SGCZ: variants seen among roughly 807,000 people sequenced by gnomAD.
SGCZ encodes the protein zeta-sarcoglycan.
Under a neutral mutation model 41.3 loss-of-function variants are expected in SGCZ, and 40 were observed. The ratio of observed to expected loss-of-function variants is 0.97; its 90% confidence interval spans 0.75 to 1.26. The LOEUF (loss-of-function observed/expected upper bound fraction) is 1.26. SGCZ is among the 50% of genes most tolerant of loss of function. SGCZ has a pLI of 0.00. For synonymous variants in SGCZ, 206 were observed against 137.5 expected, an observed-to-expected ratio of 1.50 and a Z score of -3.49; for missense variants, 552 against 369.8, an observed-to-expected ratio of 1.49 and a Z score of -4.04.
At chr8:14,514,036 G>A (rs952338227) in intron 2 of SGCZ, among the ~76,000 whole-genome samples, 1 of 152,080 alleles carries the variant, frequency 6.6e-6, no homozygotes, top group Non-Finnish European at 1.5e-5. Context: ...ACTTTGATGA[G>A]CATAATAAGA....
chr8:14,424,873 A>C (rs10503497), intron 2 of SGCZ, among the ~76,000 whole-genome samples: 31,376 of 152,166 alleles, frequency 0.21, 3,832 homozygotes, highest in Non-Finnish European at 0.29. Context: ...ACGGCTGGTA[A>C]AATAAATGAG....
At chr8:15,082,895 G>C (rs1805805655) in intron 1 of SGCZ, among the ~76,000 whole-genome samples, 1 of 152,070 alleles carries the variant, frequency 6.6e-6, no homozygotes. Context: ...ACGTACAAAA[G>C]GTTCACTTAG....
intron 1 of SGCZ, among the ~76,000 whole-genome samples, chr8:14,555,327 G>T (rs1804001852): frequency 6.6e-6 from 1 of 151,988 alleles, no homozygotes; most frequent in Admixed American, 6.6e-5. Context: ...CAATGTTGGA[G>T]ATGGCTCCTG....
intron 2 of SGCZ, among the ~76,000 whole-genome samples, chr8:14,541,813 T>C (rs1182112007): frequency 6.6e-6 from 1 of 152,132 alleles, no homozygotes; most frequent in Non-Finnish European, 1.5e-5. Flanking sequence ...GACTTTTTAA[T>C]GATTGTCATT....
chr8:14,355,610 G>A (rs573683204), intron 2 of SGCZ, among the ~76,000 whole-genome samples: 10 of 151,826 alleles, frequency 6.6e-5, no homozygotes, highest in African/African-American at 2.2e-4. Context: ...CAATAAAAAC[G>A]AGATAAATCA....
At chr8:14,870,091 A>G (rs757639780) in intron 1 of SGCZ, among the ~76,000 whole-genome samples, 1 of 152,316 alleles carries the variant, frequency 6.6e-6, no homozygotes, top group Non-Finnish European at 1.5e-5. Context: ...TAAATTTCAT[A>G]TGGAACCAAA....
At chr8:14,167,619 A>C (rs2116991674) in intron 4 of SGCZ, among the ~76,000 whole-genome samples, 1 of 152,320 alleles carries the variant, frequency 6.6e-6, no homozygotes, top group African/African-American at 2.4e-5. Flanking sequence ...TGTAAGCAAA[A>C]TAATAGGTTC....
chr8:15,167,365 C>T (rs970275495), intron 1 of SGCZ, among the ~76,000 whole-genome samples: 3 of 152,118 alleles, frequency 2.0e-5, no homozygotes, highest in African/African-American at 4.8e-5. Flanking sequence ...CTACGTAGTC[C>T]CTGTACAGGG....
intron 1 of SGCZ, among the ~76,000 whole-genome samples, chr8:15,073,572 T>C (rs1379544840): frequency 6.6e-6 from 1 of 152,176 alleles, no homozygotes; most frequent in African/African-American, 2.4e-5. Flanking sequence ...CATTTTAATC[T>C]GTAAATATCC....
At chr8:15,029,785 T>C (rs1803591715) in intron 1 of SGCZ, among the ~76,000 whole-genome samples, 1 of 152,138 alleles carries the variant, frequency 6.6e-6, no homozygotes, top group Non-Finnish European at 1.5e-5. Flanking sequence ...AGCCAAAAAC[T>C]TTATAATCTA....
chr8:15,141,719 C>T (rs907049795), intron 1 of SGCZ, among the ~76,000 whole-genome samples: 18 of 152,078 alleles, frequency 1.2e-4, no homozygotes, highest in East Asian at 3.9e-4. Context: ...CTGGCTAACA[C>T]GGTGAAACCC....
intron 1 of SGCZ, among the ~76,000 whole-genome samples, chr8:15,172,411 C>T (rs536907964): frequency 3.3e-5 from 5 of 151,792 alleles, no homozygotes; most frequent in Non-Finnish European, 5.9e-5. Context: ...CTGCCCGTCT[C>T]GGCCTCCCAA....
chr8:14,156,607 A>T (rs1020272541), intron 5 of SGCZ, among the ~76,000 whole-genome samples: 1 of 152,254 alleles, frequency 6.6e-6, no homozygotes, highest in Non-Finnish European at 1.5e-5. Context: ...ACAACCATGT[A>T]TAGCTGTACA....
intron 1 of SGCZ, among the ~76,000 whole-genome samples, chr8:14,649,185 T>C (rs555817189): frequency 2.0e-4 from 30 of 152,272 alleles, no homozygotes; most frequent in African/African-American, 6.5e-4. Flanking sequence ...AAAAGCATCA[T>C]GTCAGACAGG....
intron 2 of SGCZ, among the ~76,000 whole-genome samples, chr8:14,497,072 A>G (rs543989501): frequency 1.3e-5 from 2 of 152,224 alleles, no homozygotes; most frequent in Non-Finnish European, 2.9e-5. Flanking sequence ...TCACTTCTGT[A>G]AATAGCCTCC....
At chr8:14,222,163 TG>T (rs1324804595) in intron 4 of SGCZ, among the ~76,000 whole-genome samples, 5 of 152,044 alleles carry the variant, frequency 3.3e-5, no homozygotes, top group Admixed American at 6.6e-5. Context: ...TTGTTGTTGC[TG>T]TTTTTTTGTT....
At chr8:15,196,164 T>C (rs1229856805) in intron 1 of SGCZ, among the ~76,000 whole-genome samples, 1 of 152,074 alleles carries the variant, frequency 6.6e-6, no homozygotes, top group South Asian at 2.1e-4. Context: ...CCCAAAGTGC[T>C]GGGATTACAG....
chr8:14,327,001 T>C (rs1223630268), intron 2 of SGCZ, among the ~76,000 whole-genome samples: 1 of 151,298 alleles, frequency 6.6e-6, no homozygotes, highest in Admixed American at 6.6e-5. Flanking sequence ...CAAAAAAAAA[T>C]AGATGTTTTC....
intron 5 of SGCZ, among the ~76,000 whole-genome samples, chr8:14,123,239 C>T (rs1170704049): frequency 6.6e-6 from 1 of 152,270 alleles, no homozygotes; most frequent in Non-Finnish European, 1.5e-5. Context: ...TGTTTTGATT[C>T]ACTTGTCTTA....
Sources: allele counts gnomAD v4.1 joint callset (sites outside exome capture counted in the v4.1 genomes callset), GRCh38; gene constraint gnomAD v4.1.1; transcripts MANE v1.5; gene names NCBI Gene and HGNC (gene_info 2026-07-23, HGNC 2026-07-21).